Variants in PSMA6 observed in about 807,000 individuals in gnomAD.
PSMA6 encodes the protein proteasome 20S subunit alpha 6.
For missense variants in PSMA6, 170 were observed against 294.8 expected, an observed-to-expected ratio of 0.58 and a Z score of 3.10; for synonymous variants, 88 against 97.7, an observed-to-expected ratio of 0.90 and a Z score of 0.59.
chr14:35,314,983 G>GT (rs759916645), intron 6 of PSMA6: 18 of 150,818 alleles, frequency 1.2e-4, no homozygotes, highest in African/African-American at 4.2e-4. Context: ...GTGTGTGTGT[G>GT]TTCTTACTCA....
chr14:35,279,551 C>T (rs2051342866), intron 1 of PSMA6, among the ~76,000 whole-genome samples: 1 of 152,158 alleles, frequency 6.6e-6, no homozygotes, highest in Admixed American at 6.5e-5. Context: ...AGGGTCACGT[C>T]CTTTGGCACT....
At position 35,308,229 on chromosome 14, in the gene PSMA6, G is replaced by C. The variant is rs148428798; in HGVS notation, c.171+141G>C. 2.1e-3 allele frequency: 2,167 copies of C among 1,052,138 alleles called. 33 individuals carry two copies. The African/African-American group carries it at 0.029, about 14-fold the overall frequency. 65.2% of individuals were successfully genotyped at this position (1,052,138 alleles called of 1,614,324 possible). The stretch of plus-strand genomic sequence containing the variant: ...CTTAGATCGGGAGTTCTAGACCAGC[G>C]TGACCAACATGGAGAAACCCTGTCT... On this transcript the variant is annotated intron_variant, in intron 2 of 6. Transcript: ENST00000261479.
intron 1 of PSMA6, among the ~76,000 whole-genome samples, chr14:35,307,018 T>C (rs1258343637): frequency 6.6e-6 from 1 of 151,646 alleles, no homozygotes; most frequent in Non-Finnish European, 1.5e-5. Flanking sequence ...CATGGTGGTG[T>C]GCACCTGTAA....
chr14:35,315,327 A>G lies in PSMA6; in HGVS notation c.683+872A>G, dbSNP rs527410511. 5.3e-5 allele frequency: 8 copies of G among 151,434 alleles called. No homozygotes were observed. The South Asian group carries it at 1.5e-3, about 28-fold the overall frequency. The allele number at this position is 151,434 out of a possible 1,614,324, so 9.4% of individuals were successfully genotyped here. ...TTTTCGTTTGTTCTTTTTTTTCCTA[A>G]TTTGTTCTTTTGGTTGCCCACAGAT... On this transcript the variant is annotated intron_variant, in intron 6 of 6. Transcript: ENST00000261479.
At chr14:35,298,630 A>G (rs1480361222) in intron 1 of PSMA6, among the ~76,000 whole-genome samples, 5 of 152,174 alleles carry the variant, frequency 3.3e-5, no homozygotes, top group Non-Finnish European at 5.9e-5. Context: ...TTGATCATGT[A>G]GTGTTTAAGT....
chr14:35,310,997 G>A, intron 4 of PSMA6, 102 bp downstream of exon 4: 1 of 1,195,868 alleles, frequency 8.4e-7, no homozygotes, highest in South Asian at 1.5e-5. Flanking sequence ...TGAACATGTG[G>A]TTTGGAAAAT....
rs998065897 is a variant in PSMA6, at chr14:35,292,428, G to A, written c.-49G>A. The A allele has an allele frequency of 2.5e-6, 4 of 1,587,404 alleles. No homozygotes were observed. Among genetic ancestry groups the A allele is most frequent in the Non-Finnish European group, 3.4e-6 (4 of 1,167,164 alleles). On this transcript the variant is annotated 5_prime_UTR_variant, in exon 1 of 7. Coordinates refer to ENST00000261479, the MANE Select transcript of PSMA6 (RefSeq NM_002791.3). ...CGGGAGGTGCTTGTGTGCCTGGTGC[G>A]GGAGCTACGGGGCCCAGGGATTGTG...
At chr14:35,309,418 G>A (rs1057355737) in intron 3 of PSMA6, among the ~76,000 whole-genome samples, 9 of 152,144 alleles carry the variant, frequency 5.9e-5, no homozygotes, top group African/African-American at 1.9e-4. Context: ...GGGAGGCCAA[G>A]GTGAGAGGAT....
rs542600091 is a variant in PSMA6 at position 35,292,803 on chromosome 14, G to T, written c.76+251G>T. The T allele has an allele frequency of 1.2e-4, 77 of 624,908 alleles. 2 individuals are homozygous for T. The South Asian group carries it at 1.4e-3, about 11-fold the overall frequency. 38.7% of individuals were successfully genotyped at this position (624,908 alleles called of 1,614,324 possible). A position where few individuals can be genotyped will look rare whatever the true frequency, so the allele number is the denominator to read the frequency against. On this transcript the variant is annotated intron_variant, in intron 1 of 6. Transcript: ENST00000261479. ...GTAGACCCAATGGAGAGTTAAGGAAGATAGGGCTGTAATGCCTGACTCCGG... is the reference window on the plus strand; with the variant it reads ...GTAGACCCAATGGAGAGTTAAGGAATATAGGGCTGTAATGCCTGACTCCGG...
intron 2 of PSMA6, among the ~76,000 whole-genome samples, chr14:35,308,608 G>A (rs534810244): frequency 1.3e-4 from 20 of 152,198 alleles, no homozygotes; most frequent in African/African-American, 4.6e-4. Context: ...ACTTCATGGC[G>A]TGATTATAAG....
At chr14:35,288,235 C>G (rs181737645), upstream of PSMA6, among the ~76,000 whole-genome samples, 11 of 152,296 alleles carry the variant, frequency 7.2e-5, no homozygotes, top group Non-Finnish European at 1.3e-4. Context: ...TGGTGGCTCA[C>G]GCCTGTAATC....
At chr14:35,297,058 A>T (rs928849350) in intron 1 of PSMA6, among the ~76,000 whole-genome samples, 3 of 147,426 alleles carry the variant, frequency 2.0e-5, no homozygotes, top group African/African-American at 7.5e-5. Flanking sequence ...ACACATCTCA[A>T]TTATGTAGCC....
chr14:35,307,082 A>G (rs2051842599), intron 1 of PSMA6, among the ~76,000 whole-genome samples: 4 of 152,168 alleles, frequency 2.6e-5, no homozygotes, highest in Admixed American at 2.6e-4. Flanking sequence ...TGGGAAGCGG[A>G]GGTTGTAGTA....
At chr14:35,296,769 C>A (rs1282828396) in intron 1 of PSMA6, among the ~76,000 whole-genome samples, 1 of 152,180 alleles carries the variant, frequency 6.6e-6, no homozygotes, top group South Asian at 2.1e-4. Context: ...TATTTCAAAG[C>A]AGTATTTCTC....
At chr14:35,309,520 G>T (rs1244551037) in intron 3 of PSMA6, among the ~76,000 whole-genome samples, 1 of 151,780 alleles carries the variant, frequency 6.6e-6, no homozygotes, top group Non-Finnish European at 1.5e-5. Flanking sequence ...GGCTGGTCAC[G>T]GTGGCTCACA....
chr14:35,313,096 A>G (rs377711798), intron 5 of PSMA6, 37 bp downstream of exon 5: 21 of 1,494,718 alleles, frequency 1.4e-5, no homozygotes, highest in South Asian at 1.3e-4. Context: ...TTTTTATGCT[A>G]TATAGAACAG....
In PSMA6 at chr14:35,317,424, C is replaced by G. The variant is rs1594398801; in HGVS notation, c.*118C>G. ...GGAGCCTCTCCCACTCCTCCTACCA[C>G]CGAAGTGGTTAGGACTCTATATAAA... On this transcript the variant is annotated 3_prime_UTR_variant, in exon 7 of 7. Transcript: ENST00000261479. 3 of 874,642 alleles carry G rather than the reference C, an allele frequency of 3.4e-6. No homozygotes were observed. Among genetic ancestry groups the G allele is most frequent in the Non-Finnish European group, 5.6e-6 (3 of 534,260 alleles). The allele number at this position is 874,642 out of a possible 1,614,324, so 54.2% of individuals were successfully genotyped here.
rs549067224 is a variant in PSMA6, at chr14:35,306,176, C to T, written c.77-1818C>T. On this transcript the variant is annotated intron_variant, in intron 1 of 6. Coordinates refer to ENST00000261479, the MANE Select transcript of PSMA6 (RefSeq NM_002791.3). ...CCCGGGAGGTCGAGGCTGCAGTGAG[C>T]TATGATCATGCCCTGGTGCTCCAGC... Among the ~76,000 whole-genome samples, 176 of 152,184 alleles carry T rather than the reference C, an allele frequency of 1.2e-3. 5 individuals carry two copies. In the South Asian group the frequency reaches 0.035, roughly 31 times the overall value.
Position 35,292,436 on chromosome 14 carries a change from C to A in PSMA6, c.-41C>A. On this transcript the variant is annotated 5_prime_UTR_variant, in exon 1 of 7. Coordinates refer to ENST00000261479, the MANE Select transcript of PSMA6 (RefSeq NM_002791.3). ...GCTTGTGTGCCTGGTGCGGGAGCTA[C>A]GGGGCCCAGGGATTGTGTTTAAAGT... is the stretch of plus-strand genomic sequence containing the variant. 1.3e-6 allele frequency: 2 copies of A among 1,592,882 alleles called. No homozygotes were observed. Among genetic ancestry groups the A allele is most frequent in the Non-Finnish European group, 1.7e-6 (2 of 1,169,856 alleles).
Sources: gnomAD v4.1 joint callset for allele counts (sites outside exome capture counted in the v4.1 genomes callset) on GRCh38, gnomAD v4.1.1 for gene constraint, MANE v1.5 for transcripts, NCBI Gene and HGNC (gene_info 2026-07-23, HGNC 2026-07-21) for gene names.